Variants in GET4 observed in about 807,000 individuals in gnomAD.
The protein encoded by GET4 is guided entry of tail-anchored proteins factor 4, also known as Golgi to ER traffic protein 4 homolog.
GET4 carries 20 observed loss-of-function variants against 40.0 expected under a neutral mutation model. The ratio of observed to expected loss-of-function variants is 0.50; its 90% confidence interval spans 0.35 to 0.73. The LOEUF (loss-of-function observed/expected upper bound fraction) is 0.73. Among genes scored for constraint, GET4 ranks in the 30% least tolerant of loss-of-function variants. The probability of loss-of-function intolerance (pLI) is 0.01; values close to 1 mark genes in which losing one functional copy is unlikely to be tolerated. For synonymous variants in GET4, 280 were observed against 194.6 expected (o/e 1.44, Z -3.65); for missense variants, 557 against 454.0 (o/e 1.23, Z -2.06).
intron 4 of GET4, 39 bp from the exon 5 acceptor site, chr7:890,889 C>A (rs760348332): frequency 2.0e-6 from 3 of 1,491,228 alleles, no homozygotes; most frequent in African/African-American, 1.4e-5. Flanking sequence ...GTGTTATATT[C>A]GTGAAATGTA....
intron 1 of GET4, chr7:884,442 C>T (rs987452577): frequency 3.7e-6 from 4 of 1,090,126 alleles, no homozygotes; most frequent in African/African-American, 1.6e-5. Context: ...ACAGCAAAAC[C>T]GGAGGCCTGC....
chr7:894,928 C>T (rs1844440285), intron 8 of GET4, among the ~76,000 whole-genome samples: 1 of 152,272 alleles, frequency 6.6e-6, no homozygotes, highest in South Asian at 2.1e-4. Context: ...ATTCATGTGT[C>T]ACTGTAGGGC....
intron 1 of GET4, among the ~76,000 whole-genome samples, chr7:877,579 C>T (rs950357391): frequency 1.5e-5 from 2 of 130,882 alleles, no homozygotes; most frequent in African/African-American, 6.1e-5. Context: ...CTTTCGGCTT[C>T]CCTCTCCTAG....
chr7:887,962 G>A (rs1009578331), intron 4 of GET4, among the ~76,000 whole-genome samples: 1 of 152,074 alleles, frequency 6.6e-6, no homozygotes, highest in African/African-American at 2.4e-5. Context: ...GGTGTTTTTA[G>A]TTCCAGGTCT....
At chr7:894,099 A>C in intron 8 of GET4, 128 bp downstream of exon 8, 1 of 594,406 alleles carries the variant, frequency 1.7e-6, no homozygotes, top group Non-Finnish European at 2.9e-6. Context: ...AATGTTTCTC[A>C]GTTTACTTTT....
intron 8 of GET4, 88 bp from the exon 9 acceptor site, chr7:895,246 C>T: frequency 7.4e-6 from 5 of 673,588 alleles, no homozygotes; most frequent in Non-Finnish European, 1.3e-5. Flanking sequence ...GACACTGGGA[C>T]ACCTTGTGAG....
chr7:891,522 C>G (rs1844321928), intron 5 of GET4, among the ~76,000 whole-genome samples: 1 of 151,186 alleles, frequency 6.6e-6, no homozygotes, highest in South Asian at 2.1e-4. Context: ...GCTGTCTGCT[C>G]CTGCGTGGTC....
Position 895,549 on chromosome 7 carries a change from G to T in GET4, c.*127G>T. On this transcript the variant is annotated 3_prime_UTR_variant, in exon 9 of 9. Transcript: ENST00000265857. The stretch of plus-strand genomic sequence containing the variant: ...AGGCTGGCGGTGGCCGCATGCCGGC[G>T]CGTGTCTGTTTCTGTGCGGCGGCTC... 1 of 542,656 alleles carries T rather than the reference G, an allele frequency of 1.8e-6. No homozygotes were observed. Among genetic ancestry groups the T allele is most frequent in the East Asian group, 3.2e-5 (1 of 31,140 alleles). The allele number at this position is 542,656 out of a possible 1,614,324, so 33.6% of individuals were successfully genotyped here. A position where few individuals can be genotyped will look rare whatever the true frequency, so the allele number is the denominator to read the frequency against.
Position 895,493 on chromosome 7 carries a change from T to TGGCTCCTCGCCTTGGG in GET4, c.*79_*94dup, listed in dbSNP as rs555903656. ...GGACGTTTCAGAGGCGAGTCCTGGGTGGCTCCTCGCCTTGGGGGCTCCTGG... is the reference window on the plus strand; with the variant it reads ...GGACGTTTCAGAGGCGAGTCCTGGGTGGCTCCTCGCCTTGGGGGCTCCTCGCCTTGGGGGCTCCTGG... On this transcript the variant is annotated 3_prime_UTR_variant, in exon 9 of 9. Coordinates refer to ENST00000265857, the MANE Select transcript of GET4 (RefSeq NM_015949.3). 3 of 781,930 alleles carry TGGCTCCTCGCCTTGGG rather than the reference T, an allele frequency of 3.8e-6. No individual in the cohort carries two copies. The African/African-American group carries it at 5.2e-5, about 14-fold the overall frequency. The allele number at this position is 781,930 out of a possible 1,614,324, so 48.4% of individuals were successfully genotyped here. A position where few individuals can be genotyped will look rare whatever the true frequency, so the allele number is the denominator to read the frequency against.
intron 4 of GET4, 27 bp from the exon 5 acceptor site, chr7:890,901 T>C (rs758862601): frequency 1.3e-5 from 20 of 1,544,876 alleles, no homozygotes; most frequent in Non-Finnish European, 1.8e-5. Context: ...TGAAATGTAT[T>C]TACATTTTTC....
At position 892,718 on chromosome 7, in the gene GET4, TGTG is replaced by T. The variant is rs971978109; in HGVS notation, c.746+302_746+304del. Among the ~76,000 whole-genome samples, 25 of 135,698 alleles carry T rather than the reference TGTG, an allele frequency of 1.8e-4. 1 individual carries two copies. Among genetic ancestry groups the T allele is most frequent in the Admixed American group, 1.1e-3 (15 of 13,856 alleles). 89.0% of individuals were successfully genotyped at this position (135,698 alleles called of 152,430 possible). On this transcript the variant is annotated intron_variant, in intron 6 of 8. Coordinates refer to ENST00000265857, the MANE Select transcript of GET4 (RefSeq NM_015949.3). Reference sequence around the variant, plus strand: ...GTGGGTGTGTGCAGGTGTGGGGTGGTGTGGGTGCAGACGTCTGGGGGGTTGTGT... The same window carrying T: ...GTGGGTGTGTGCAGGTGTGGGGTGGTGGTGCAGACGTCTGGGGGGTTGTGT...
chr7:880,836 T>C (rs1844070109), intron 1 of GET4: 1 of 152,234 alleles, frequency 6.6e-6, no homozygotes, highest in Non-Finnish European at 1.5e-5. Context: ...CATGGGTGTA[T>C]CGCCGCCAGA....
chr7:893,403 CGCG>C (rs59750857), intron 6 of GET4, among the ~76,000 whole-genome samples: 7 of 108,332 alleles, frequency 6.5e-5, no homozygotes, highest in Admixed American at 4.2e-4. Flanking sequence ...TGGGCGTGGG[CGCG>C]GTGGTGTGTG....
chr7:886,237 T>C, intron 2 of GET4, 103 bp downstream of exon 2: 1 of 771,114 alleles, frequency 1.3e-6, no homozygotes, highest in Non-Finnish European at 2.2e-6. Context: ...TGCGCTGCCC[T>C]GGGCCTCGGC....
Position 876,672 on chromosome 7 carries a change from G to A in GET4, c.27G>A (p.Glu9=), listed in dbSNP as rs765604974. ...TGGCGGCGGCGGCGGCGATGGCCGA[G>A]CAGGAGAGCGCCCGGAACGGCGGCC... MAAAAAMA[E]QESARNGGRN... Residue 9 remains glutamate, a synonymous_variant, in exon 1 of 9, where the codon GAG becomes GAA. Transcript: ENST00000265857. 8.3e-6 allele frequency: 11 copies of A among 1,323,538 alleles called. 1 individual carries two copies. Among genetic ancestry groups the A allele is most frequent in the Non-Finnish European group, 1.1e-5 (11 of 1,025,916 alleles). 82.0% of individuals were successfully genotyped at this position (1,323,538 alleles called of 1,614,324 possible).
At chr7:885,707 A>C in intron 1 of GET4, 1 of 222,798 alleles carries the variant, frequency 4.5e-6, no homozygotes. Flanking sequence ...TCAGGTGGCC[A>C]CATGCACATC....
intron 4 of GET4, among the ~76,000 whole-genome samples, chr7:890,592 T>A (rs965383962): frequency 5.9e-5 from 9 of 152,094 alleles, no homozygotes; most frequent in Non-Finnish European, 1.3e-4. Context: ...TTGCGCCCTG[T>A]AAGTTGCTTC....
At chr7:887,649 G>A in intron 4 of GET4, 130 bp downstream of exon 4, 1 of 655,728 alleles carries the variant, frequency 1.5e-6, no homozygotes, top group South Asian at 3.7e-5. Context: ...ACGCGGGCCG[G>A]TCCATGGAGA....
chr7:883,559 G>A, intron 1 of GET4: 4 of 984,832 alleles, frequency 4.1e-6, no homozygotes, highest in Non-Finnish European at 3.6e-6. Flanking sequence ...GGCCGGCAGA[G>A]AGCACCAGCG....
Sources: allele counts gnomAD v4.1 joint callset (sites outside exome capture counted in the v4.1 genomes callset), GRCh38; gene constraint gnomAD v4.1.1; transcripts MANE v1.5; gene names NCBI Gene and HGNC (gene_info 2026-07-23, HGNC 2026-07-21).